Variants in PCDHA1 observed in about 807,000 individuals in gnomAD.
PCDHA1 encodes protocadherin alpha-1.
Under a neutral mutation model 61.3 loss-of-function variants are expected in PCDHA1, and 42 were observed. The observed-to-expected ratio is 0.69, with a 90% CI of 0.54 to 0.89. PCDHA1 has a LOEUF of 0.89. Among genes scored for constraint, PCDHA1 ranks in the 40% least tolerant of loss-of-function variants. The pLI is 0.00. For missense variants in PCDHA1, 1,256 were observed against 1,235.3 expected, an observed-to-expected ratio of 1.02 and a Z score of -0.25; for synonymous variants, 610 against 553.8, an observed-to-expected ratio of 1.10 and a Z score of -1.43.
At position 140,786,307 on chromosome 5, in the gene PCDHA1, G is replaced by C. The variant is rs781849897; in HGVS notation, c.17G>C (p.Arg6Thr). ...CCTTTTGCAATGGTGTTTTCTAGGA[G>C]AGGGGGCCTGGGAGCCCGGGATCTG... MVFSR[R>T]GGLGARDLLL... Residue 6 changes from arginine (R) to threonine (T), a missense_variant, in exon 1 of 4, where the codon AGA (arginine) becomes ACA (threonine). Arg to Thr is a moderately conservative substitution (Grantham distance 71). Coordinates refer to ENST00000504120, the MANE Select transcript of PCDHA1 (RefSeq NM_018900.4). The C allele has an allele frequency of 3.1e-6, 5 of 1,608,582 alleles. No homozygotes were observed. The highest frequency in any genetic ancestry group is 3.4e-5 in the Admixed American group (2 of 59,460).
At chr5:140,931,057 T>C (rs1554208231) in intron 1 of PCDHA1, among the ~76,000 whole-genome samples, 1 of 152,196 alleles carries the variant, frequency 6.6e-6, no homozygotes, top group Admixed American at 6.5e-5. Context: ...CAATGCTGTG[T>C]CTGGGACTAA....
At chr5:140,809,680 C>A (rs1325474116) in intron 1 of PCDHA1, 11 of 1,338,242 alleles carry the variant, frequency 8.2e-6, no homozygotes, top group African/African-American at 1.5e-5. Flanking sequence ...AATTTTACCT[C>A]TTTTTACATA....
chr5:141,007,181 G>A (rs372000063), intron 3 of PCDHA1, among the ~76,000 whole-genome samples: 1 of 152,134 alleles, frequency 6.6e-6, no homozygotes, highest in East Asian at 1.9e-4. Context: ...AAGGTCAGGA[G>A]AATGTTTTGA....
chr5:140,825,524 A>G (rs1554130271), intron 1 of PCDHA1: 1 of 151,394 alleles, frequency 6.6e-6, no homozygotes, highest in Non-Finnish European at 1.5e-5. Flanking sequence ...TCCCAGGTTC[A>G]AGCGATTCTC....
chr5:140,966,916 G>A lies in PCDHA1; in HGVS notation c.2395-12033G>A, dbSNP rs1554228883. On this transcript the variant is annotated intron_variant, in intron 1 of 3. Coordinates refer to ENST00000504120, the MANE Select transcript of PCDHA1 (RefSeq NM_018900.4). Reference sequence around the variant, plus strand: ...CCCAGCTGCGATACTCTGTGCCAGAGGAGCAGGCACCCGGCGCGCTCGTGG... The same window carrying A: ...CCCAGCTGCGATACTCTGTGCCAGAAGAGCAGGCACCCGGCGCGCTCGTGG... 13 of 1,602,486 alleles carry A rather than the reference G, an allele frequency of 8.1e-6. No individual in the cohort carries two copies. In the South Asian group the frequency reaches 1.4e-4, roughly 18 times the overall value.
chr5:140,843,487 G>C, intron 1 of PCDHA1: 1 of 1,596,050 alleles, frequency 6.3e-7, no homozygotes, highest in Non-Finnish European at 8.6e-7. Context: ...CTGCGCTGCG[G>C]TGCTCAGCAC....
In PCDHA1 at chr5:140,967,672, C is replaced by G. The variant is rs781956405; in HGVS notation, c.2395-11277C>G. 36 of 1,614,182 alleles carry G rather than the reference C, an allele frequency of 2.2e-5. No individual in the cohort carries two copies. The South Asian group carries it at 3.8e-4, about 17-fold the overall frequency. ...ACTCCTTGAGCAGCTACACGTCGGACCGGGAGAGGCAGCTCTTCAGCATAG... is the reference window on the plus strand; with the variant it reads ...ACTCCTTGAGCAGCTACACGTCGGAGCGGGAGAGGCAGCTCTTCAGCATAG... On this transcript the variant is annotated intron_variant, in intron 1 of 3. Transcript: ENST00000504120.
Position 140,889,022 on chromosome 5 carries a change from G to A in PCDHA1, c.2395-89927G>A, listed in dbSNP as rs183317307. Among the ~76,000 whole-genome samples the A allele has an allele frequency of 5.5e-3, 837 of 151,922 alleles. 11 individuals are homozygous for A. The highest frequency in any genetic ancestry group is 0.019 in the African/African-American group (781 of 41,426). ...TGGCAAACCAACCTCTACTTCCTTG[G>A]ATAACCGTAATTTGATTATAATTTA... On this transcript the variant is annotated intron_variant, in intron 1 of 3. Coordinates refer to ENST00000504120, the MANE Select transcript of PCDHA1 (RefSeq NM_018900.4).
intron 1 of PCDHA1, among the ~76,000 whole-genome samples, chr5:140,919,535 ACTTTT>A (rs1310340464): frequency 1.3e-5 from 2 of 151,732 alleles, no homozygotes; most frequent in Non-Finnish European, 2.9e-5. Flanking sequence ...TTTTTCCTAT[ACTTTT>A]CATTTACTGA....
intron 1 of PCDHA1, among the ~76,000 whole-genome samples, chr5:140,907,440 C>T (rs781836409): frequency 4.6e-5 from 7 of 152,222 alleles, no homozygotes; most frequent in Non-Finnish European, 1.0e-4. Flanking sequence ...TGTGAGTCCA[C>T]AGATGGTAAT....
chr5:140,966,813 T>C (rs2096057002), intron 1 of PCDHA1: 2 of 1,551,874 alleles, frequency 1.3e-6, no homozygotes, highest in Non-Finnish European at 8.7e-7. Context: ...CATCCACGGC[T>C]CCGGCGGCCC....
chr5:140,835,624 AC>A (rs2150239679), intron 1 of PCDHA1: 1 of 1,613,722 alleles, frequency 6.2e-7, no homozygotes, highest in Admixed American at 1.7e-5. Flanking sequence ...AGCGCTCTGG[AC>A]CGCGAGAGTG....
intron 1 of PCDHA1, chr5:140,795,537 T>C: frequency 1.2e-6 from 2 of 1,614,128 alleles, no homozygotes; most frequent in Non-Finnish European, 1.7e-6. Context: ...TAAGCGAATC[T>C]TTGTCTCTCG....
intron 1 of PCDHA1, among the ~76,000 whole-genome samples, chr5:140,874,462 A>G (rs1471984599): frequency 7.2e-5 from 11 of 152,228 alleles, no homozygotes; most frequent in African/African-American, 2.7e-4. Flanking sequence ...CTGTAGGGGA[A>G]GATTTAGAGA....
intron 1 of PCDHA1, chr5:140,823,015 C>A (rs2150121299): frequency 4.1e-5 from 66 of 1,614,106 alleles, no homozygotes; most frequent in Non-Finnish European, 5.5e-5. Flanking sequence ...CGCCCTGGAC[C>A]GCGAGAGCGT....
At chr5:140,858,424 C>A in intron 1 of PCDHA1, 1 of 1,553,410 alleles carries the variant, frequency 6.4e-7, no homozygotes, top group Non-Finnish European at 8.8e-7. Flanking sequence ...TTGGAGGGGA[C>A]CACTCTAGGA....
intron 1 of PCDHA1, chr5:140,927,766 G>A: frequency 1.2e-6 from 2 of 1,614,234 alleles, no homozygotes; most frequent in Non-Finnish European, 1.7e-6. Context: ...TAAAAGTGGG[G>A]AGGTGCAAGT....
In PCDHA1 at chr5:141,010,279, A is replaced by T. The variant is rs2098416787; in HGVS notation, c.*342A>T. 2.6e-6 allele frequency: 4 copies of T among 1,551,490 alleles called. No homozygotes were observed. The highest frequency in any genetic ancestry group is 3.5e-6 in the Non-Finnish European group (4 of 1,146,936). ...CCTGTGCTCCGGGGATCCTGTCTTG[A>T]TGACACTTGCAGGGCAGGCTGAAAA... On this transcript the variant is annotated 3_prime_UTR_variant, in exon 4 of 4. Coordinates refer to ENST00000504120, the MANE Select transcript of PCDHA1 (RefSeq NM_018900.4).
intron 3 of PCDHA1, among the ~76,000 whole-genome samples, chr5:140,989,611 A>G (rs2097350612): frequency 6.6e-6 from 1 of 152,232 alleles, no homozygotes. Flanking sequence ...ACTAAAAATG[A>G]AAGTCTGTCC....
Sources: gnomAD v4.1 joint callset for allele counts (sites outside exome capture counted in the v4.1 genomes callset) on GRCh38, gnomAD v4.1.1 for gene constraint, MANE v1.5 for transcripts, NCBI Gene and HGNC (gene_info 2026-07-23, HGNC 2026-07-21) for gene names.